Variants in CYP4V2 observed in about 807,000 individuals in gnomAD.
The protein encoded by CYP4V2 is cytochrome P450 family 4 subfamily V member 2, also known as cytochrome P450 4V2.
Under a neutral mutation model 60.8 loss-of-function variants are expected in CYP4V2, and 55 were observed. That is an observed-to-expected ratio of 0.90 (90% CI 0.73 to 1.13). The LOEUF is 1.13. CYP4V2 is among the 50% of genes most tolerant of loss of function. The pLI is 0.00. For missense variants in CYP4V2, 675 were observed against 662.9 expected (o/e 1.02, Z -0.20); for synonymous variants, 239 against 236.8 (o/e 1.01, Z -0.08).
In CYP4V2 at chr4:186,191,956, C is replaced by A; in HGVS notation, c.133C>A (p.Gln45Lys). 1 of 1,588,414 alleles carries A rather than the reference C, an allele frequency of 6.3e-7. No homozygotes were observed. Among genetic ancestry groups the A allele is most frequent in the Middle Eastern group, 1.7e-4 (1 of 5,966 alleles). ...GGTGGCGAGCTACGCGCGGAAATGG[C>A]AGCAGATGCGGCCCATCCCCACGGT... ...QRVASYARKW[Q>K]QMRPIPTVAR... The change falls in exon 1 of 11, where the codon CAG becomes AAG. Residue 45 changes from glutamine (Q) to lysine (K), a missense_variant. Physicochemically the swap from Gln to Lys is moderately conservative, Grantham distance 53 (BLOSUM62 1). Coordinates refer to ENST00000378802, the MANE Select transcript of CYP4V2 (RefSeq NM_207352.4).
intron 3 of CYP4V2, 78 bp downstream of exon 3, chr4:186,196,166 ACAGGGT>A: frequency 8.0e-7 from 1 of 1,256,130 alleles, no homozygotes; most frequent in Non-Finnish European, 1.2e-6. Context: ...AAGAATTAAC[ACAGGGT>A]AGCTTTTTCT....
Position 186,195,102 on chromosome 4 carries a change from T to C in CYP4V2, c.327+490T>C, listed in dbSNP as rs1736114305. Among the ~76,000 whole-genome samples the C allele has an allele frequency of 6.6e-6, 1 of 152,210 alleles. No homozygotes were observed. Among genetic ancestry groups the C allele is most frequent in the African/African-American group, 2.4e-5 (1 of 41,454 alleles). On this transcript the variant is annotated intron_variant, in intron 2 of 10. Coordinates refer to ENST00000378802, the MANE Select transcript of CYP4V2 (RefSeq NM_207352.4). The surrounding 1 kb of genome is among the most constrained non-coding windows in gnomAD (Gnocchi z 4.1). Reference sequence around the variant, plus strand: ...AAATTAGTCCTCCAAAAAGCTGTAGTCTTTTTACTTGTTGAAAGGTCTGGG... The same window carrying C: ...AAATTAGTCCTCCAAAAAGCTGTAGCCTTTTTACTTGTTGAAAGGTCTGGG...
rs1044846235 is a variant in CYP4V2, at chr4:186,211,195, G to A, written c.*554G>A. On this transcript the variant is annotated 3_prime_UTR_variant, in exon 11 of 11. Transcript: ENST00000378802. Reference sequence around the variant, plus strand: ...GTTACAGTTGGCTGTGGTCACAAAAGTAGTTAATTGTGTCAGCACCCAAAT... The same window carrying A: ...GTTACAGTTGGCTGTGGTCACAAAAATAGTTAATTGTGTCAGCACCCAAAT... The A allele has an allele frequency of 4.6e-5, 7 of 153,222 alleles. No individual in the cohort carries two copies. The highest frequency in any genetic ancestry group is 1.9e-4 in the Admixed American group (3 of 15,424). 9.5% of individuals were successfully genotyped at this position (153,222 alleles called of 1,614,324 possible).
intron 7 of CYP4V2, chr4:186,201,633 C>T (rs1222093814): frequency 9.8e-6 from 3 of 305,364 alleles, no homozygotes; most frequent in Non-Finnish European, 1.9e-5. Flanking sequence ...AGAGATTGCT[C>T]TCAGTTCTCC....
intron 3 of CYP4V2, 181 bp from the exon 4 acceptor site, chr4:186,196,759 A>G (rs1337642589): frequency 5.0e-6 from 3 of 595,434 alleles, no homozygotes; most frequent in Non-Finnish European, 8.8e-6. Context: ...TGAATATTTT[A>G]TAGATATGTG....
intron 1 of CYP4V2, among the ~76,000 whole-genome samples, chr4:186,194,225 G>A (rs1736076029): frequency 6.6e-6 from 1 of 152,084 alleles, no homozygotes. Context: ...TGCCCGTTCT[G>A]GGACATCAAA....
intron 8 of CYP4V2, among the ~76,000 whole-genome samples, chr4:186,207,267 G>A (rs1296942845): frequency 6.6e-6 from 1 of 151,648 alleles, no homozygotes; most frequent in Non-Finnish European, 1.5e-5. Context: ...AAATTAGCCG[G>A]GCATGGTGGC....
At chr4:186,208,074 A>G (rs1579975476) in intron 8 of CYP4V2, among the ~76,000 whole-genome samples, 1 of 150,756 alleles carries the variant, frequency 6.6e-6, no homozygotes, top group Non-Finnish European at 1.5e-5. Context: ...TTTGAAGGGT[A>G]TTTGATGGAT....
chr4:186,209,770 C>A (rs187911440), intron 10 of CYP4V2, among the ~76,000 whole-genome samples: 1 of 152,148 alleles, frequency 6.6e-6, no homozygotes, highest in Non-Finnish European at 1.5e-5. Flanking sequence ...CAGTCATATT[C>A]TAAGGTATGG....
At chr4:186,203,069 C>G (rs1561434833) in intron 7 of CYP4V2, 1 of 74,532 alleles carries the variant, frequency 1.3e-5, no homozygotes, top group African/African-American at 3.6e-5. Context: ...TATATACACA[C>G]ATGCACACAT....
In CYP4V2 at chr4:186,209,077, G is replaced by T. The variant is rs1379961249; in HGVS notation, c.1226-16G>T. On this transcript the variant is annotated splice_polypyrimidine_tract_variant and intron_variant, in intron 9 of 10. Transcript: ENST00000378802. The stretch of plus-strand genomic sequence containing the variant: ...CCTTGCTCCGGTCTCATAATGTATT[G>T]ACTACTTCTTGACAGCAGGTTACAG... 2 of 1,614,108 alleles carry T rather than the reference G, an allele frequency of 1.2e-6. No individual in the cohort carries two copies. The highest frequency in any genetic ancestry group is 1.7e-6 in the Non-Finnish European group (2 of 1,180,026).
At chr4:186,205,047 C>T (rs1736455574) in intron 7 of CYP4V2, 153 bp from the exon 8 acceptor site, 1 of 759,620 alleles carries the variant, frequency 1.3e-6, no homozygotes, top group African/African-American at 1.7e-5. Context: ...CCTTGTTTGT[C>T]ACCGAGGCAA....
chr4:186,201,548 A>C lies in CYP4V2; in HGVS notation c.987+206A>C, dbSNP rs539073047. 32 of 485,336 alleles carry C rather than the reference A, an allele frequency of 6.6e-5. No homozygotes were observed. The East Asian group carries it at 1.1e-3, about 17-fold the overall frequency. 30.1% of individuals were successfully genotyped at this position (485,336 alleles called of 1,614,324 possible). ...AAAACGATTTTGACTAGTGCTGGGCACAGCAGTAGACACATTTGTTTTTCC... is the reference window on the plus strand; with the variant it reads ...AAAACGATTTTGACTAGTGCTGGGCCCAGCAGTAGACACATTTGTTTTTCC... On this transcript the variant is annotated intron_variant, in intron 7 of 10. Coordinates refer to ENST00000378802, the MANE Select transcript of CYP4V2 (RefSeq NM_207352.4).
chr4:186,209,124 C>T lies in CYP4V2; in HGVS notation c.1257C>T (p.Ala419=), dbSNP rs773317651. The change falls in exon 10 of 11, where the codon GCC becomes GCT. Residue 419 remains alanine (A), a synonymous_variant. Coordinates refer to ENST00000378802, the MANE Select transcript of CYP4V2 (RefSeq NM_207352.4). ...AGYRVLKGTE[A]VIIPYALHRD... ...ACAGAGTTCTAAAAGGCACTGAAGCCGTCATCATTCCCTATGCATTGCACA... is the reference window on the plus strand; with the variant it reads ...ACAGAGTTCTAAAAGGCACTGAAGCTGTCATCATTCCCTATGCATTGCACA... 3.8e-5 allele frequency: 61 copies of T among 1,613,994 alleles called. No individual in the cohort carries two copies. The Middle Eastern group carries it at 4.9e-4, about 13-fold the overall frequency.
intron 5 of CYP4V2, among the ~76,000 whole-genome samples, chr4:186,198,404 G>A (rs1736216519): frequency 6.6e-6 from 1 of 152,360 alleles, no homozygotes; most frequent in Non-Finnish European, 1.5e-5. Flanking sequence ...TACAGAGTGA[G>A]AGGCCAGGAA....
At position 186,206,673 on chromosome 4, in the gene CYP4V2, A is replaced by G. The variant is rs192611269; in HGVS notation, c.1090+1371A>G. On this transcript the variant is annotated intron_variant, in intron 8 of 10. Coordinates refer to ENST00000378802, the MANE Select transcript of CYP4V2 (RefSeq NM_207352.4). ...GGAAAGGTTTCTGGCATGGAGGGCA[A>G]TAGTGGAGAGTGAGAGACCGCGAGA... 1.0e-3 allele frequency among the ~76,000 whole-genome samples: 153 copies of G among 152,284 alleles called. 6 individuals are homozygous for G. In the South Asian group the frequency reaches 0.031, roughly 31 times the overall value.
chr4:186,200,856 A>G (rs985647304), intron 6 of CYP4V2, among the ~76,000 whole-genome samples: 2 of 152,184 alleles, frequency 1.3e-5, no homozygotes, highest in Non-Finnish European at 2.9e-5. Flanking sequence ...AGCGCAATCC[A>G]ATCTCTAGGG....
In CYP4V2 at chr4:186,211,302, C is replaced by T. The variant is rs1362032469; in HGVS notation, c.*661C>T. 6.6e-6 allele frequency: 1 copy of T among 152,118 alleles called. No individual in the cohort carries two copies. The highest frequency in any genetic ancestry group is 1.5e-5 in the Non-Finnish European group (1 of 68,108). The allele number at this position is 152,118 out of a possible 1,614,324, so 9.4% of individuals were successfully genotyped here. A position where few individuals can be genotyped will look rare whatever the true frequency, so the allele number is the denominator to read the frequency against. ...ATAGACCCAAAAAATATAATTTAAT[C>T]AAAGTTCTAGAGTTTTTGTTTGTTT... On this transcript the variant is annotated 3_prime_UTR_variant, in exon 11 of 11. Transcript: ENST00000378802.
intron 6 of CYP4V2, among the ~76,000 whole-genome samples, chr4:186,199,918 T>A (rs1186583456): frequency 6.6e-6 from 1 of 152,186 alleles, no homozygotes; most frequent in Non-Finnish European, 1.5e-5. Flanking sequence ...TGGAGTTATG[T>A]CCTTGTGGTG....
Sources: gnomAD v4.1 joint callset for allele counts (sites outside exome capture counted in the v4.1 genomes callset) on GRCh38, gnomAD v4.1.1 for gene constraint, Gnocchi (gnomAD v3.1) non-coding constraint, MANE v1.5 for transcripts, NCBI Gene and HGNC (gene_info 2026-07-23, HGNC 2026-07-21) for gene names.